The following ZNRF2 variants were observed in gnomAD, a reference collection of about 807,000 sequenced individuals.
The protein encoded by ZNRF2 is E3 ubiquitin-protein ligase ZNRF2.
A neutral mutation model predicts 20.4 loss-of-function variants in ZNRF2; 16 were observed. The ratio of observed to expected loss-of-function variants is 0.79; its 90% CI spans 0.53 to 1.19. The LOEUF (loss-of-function observed/expected upper bound fraction) is 1.19. ZNRF2 is among the 50% of genes most tolerant of loss of function. The probability of loss-of-function intolerance (pLI) is 0.00; values close to 1 mark genes in which losing one functional copy is unlikely to be tolerated. For synonymous variants in ZNRF2, 178 were observed against 144.9 expected, an observed-to-expected ratio of 1.23 and a Z score of -1.64; for missense variants, 363 against 332.4, an observed-to-expected ratio of 1.09 and a Z score of -0.72.
intron 1 of ZNRF2, among the ~76,000 whole-genome samples, chr7:30,298,635 A>G (rs1244635307): frequency 1.3e-5 from 2 of 152,228 alleles, no homozygotes; most frequent in East Asian, 1.9e-4. Context: ...TTTAGTATCA[A>G]TACAGGACCT....
intron 1 of ZNRF2, among the ~76,000 whole-genome samples, chr7:30,301,447 C>T (rs1262594167): frequency 6.6e-6 from 1 of 152,118 alleles, no homozygotes; most frequent in African/African-American, 2.4e-5. Context: ...CACGCCACTG[C>T]ACTCCATCCT....
chr7:30,299,165 C>T (rs544173395), intron 1 of ZNRF2, among the ~76,000 whole-genome samples: 5 of 152,110 alleles, frequency 3.3e-5, no homozygotes, highest in African/African-American at 1.2e-4. Context: ...TGGTGGCTCA[C>T]GCCTGTAATC....
At chr7:30,360,206 T>G (rs541780494) in intron 3 of ZNRF2, among the ~76,000 whole-genome samples, 2 of 152,328 alleles carry the variant, frequency 1.3e-5, no homozygotes, top group Non-Finnish European at 2.9e-5. Flanking sequence ...ACACTATGCT[T>G]CTTTCATTGA....
intron 1 of ZNRF2, among the ~76,000 whole-genome samples, chr7:30,309,552 C>A (rs1438713767): frequency 6.6e-6 from 1 of 152,148 alleles, no homozygotes; most frequent in Non-Finnish European, 1.5e-5. Context: ...AGTTCACTAT[C>A]CTGAATCAGC....
At position 30,364,081 on chromosome 7, in the gene ZNRF2, A is replaced by G. The variant is rs10251223; in HGVS notation, c.*22+1625A>G. Among the ~76,000 whole-genome samples the G allele has an allele frequency of 1.3e-3, 202 of 152,322 alleles. 1 individual carries two copies. Among genetic ancestry groups the G allele is most frequent in the African/African-American group, 4.7e-3 (196 of 41,568 alleles). ...TGTGGTACCATTTCCTTTTATTTCA[A>G]TAACTTCTCTTAAATTTGAGAATAA... On this transcript the variant is annotated intron_variant, in intron 4 of 4. Transcript: ENST00000323037.
intron 1 of ZNRF2, among the ~76,000 whole-genome samples, chr7:30,316,323 A>AAAAAAAAT (rs1554294918): frequency 7.0e-6 from 1 of 142,368 alleles, no homozygotes; most frequent in Non-Finnish European, 1.5e-5. Flanking sequence ...AAAAAAAAGA[A>AAAAAAAAT]TTGTCATAAA....
chr7:30,318,139 T>A (rs1453512967), intron 1 of ZNRF2, among the ~76,000 whole-genome samples: 2 of 152,180 alleles, frequency 1.3e-5, no homozygotes, highest in African/African-American at 4.8e-5. Flanking sequence ...CGGCTTTGGA[T>A]AGAGAACATT....
intron 2 of ZNRF2, among the ~76,000 whole-genome samples, chr7:30,335,301 T>A (rs1427396665): frequency 6.6e-6 from 1 of 152,140 alleles, no homozygotes; most frequent in Non-Finnish European, 1.5e-5. Flanking sequence ...TTCTTGAGTT[T>A]AAAAGGAAAG....
At chr7:30,314,531 A>G (rs1279274695) in intron 1 of ZNRF2, among the ~76,000 whole-genome samples, 1 of 152,026 alleles carries the variant, frequency 6.6e-6, no homozygotes, top group Non-Finnish European at 1.5e-5. Context: ...AAAAAGATGG[A>G]CAGAAAGTTG....
chr7:30,308,739 C>T (rs1562608040), intron 1 of ZNRF2, among the ~76,000 whole-genome samples: 1 of 152,102 alleles, frequency 6.6e-6, no homozygotes, highest in African/African-American at 2.4e-5. Flanking sequence ...TCCTCTGTAA[C>T]AATTAGTATT....
At chr7:30,349,273 A>G (rs78365467) in intron 2 of ZNRF2, among the ~76,000 whole-genome samples, 197 of 152,326 alleles carry the variant, frequency 1.3e-3, no homozygotes, top group African/African-American at 4.4e-3. Flanking sequence ...CCAAAGCTCA[A>G]GCCTGTTCTT....
At chr7:30,354,601 T>G (rs1800009177) in intron 2 of ZNRF2, among the ~76,000 whole-genome samples, 1 of 152,232 alleles carries the variant, frequency 6.6e-6, no homozygotes, top group African/African-American at 2.4e-5. Context: ...AATGGGCATA[T>G]CAAACAAATA....
chr7:30,286,932 C>T (rs138002008), intron 1 of ZNRF2, among the ~76,000 whole-genome samples: 78 of 152,244 alleles, frequency 5.1e-4, no homozygotes, highest in African/African-American at 1.8e-3. Context: ...AAGTGGAATA[C>T]GTAGTAATTT....
chr7:30,288,917 T>C (rs913418228), intron 1 of ZNRF2: 3 of 152,216 alleles, frequency 2.0e-5, no homozygotes, highest in South Asian at 2.1e-4. Context: ...CGTTTTTTTT[T>C]CCACTGTCAA....
At chr7:30,298,663 T>C (rs1266523661) in intron 1 of ZNRF2, among the ~76,000 whole-genome samples, 1 of 152,236 alleles carries the variant, frequency 6.6e-6, no homozygotes, top group Non-Finnish European at 1.5e-5. Context: ...CAGCTATTCC[T>C]GTTGTCTGCA....
intron 2 of ZNRF2, among the ~76,000 whole-genome samples, chr7:30,349,740 T>C (rs1799936010): frequency 6.6e-6 from 1 of 152,148 alleles, no homozygotes; most frequent in African/African-American, 2.4e-5. Flanking sequence ...TGTTGTGTTT[T>C]CAGGACTGGT....
intron 1 of ZNRF2, among the ~76,000 whole-genome samples, chr7:30,309,168 TA>T (rs1799253430): frequency 6.6e-6 from 1 of 152,200 alleles, no homozygotes; most frequent in South Asian, 2.1e-4. Flanking sequence ...GTAAAAATTC[TA>T]AAATAATGGC....
At chr7:30,313,074 A>G (rs960826026) in intron 1 of ZNRF2, among the ~76,000 whole-genome samples, 3 of 152,208 alleles carry the variant, frequency 2.0e-5, no homozygotes, top group Non-Finnish European at 4.4e-5. Flanking sequence ...CCAAGTGGCT[A>G]CTTTGGTTCT....
chr7:30,301,263 A>G (rs908915169), intron 1 of ZNRF2, among the ~76,000 whole-genome samples: 1 of 152,166 alleles, frequency 6.6e-6, no homozygotes, highest in African/African-American at 2.4e-5. Flanking sequence ...TGGGCGGATC[A>G]CTTGAGGTCA....
Sources: gnomAD v4.1 joint callset for allele counts (sites outside exome capture counted in the v4.1 genomes callset) on GRCh38, gnomAD v4.1.1 for gene constraint, MANE v1.5 for transcripts, NCBI Gene and HGNC (gene_info 2026-07-23, HGNC 2026-07-21) for gene names.